RNF14: variants seen among roughly 807,000 people sequenced by gnomAD.
RNF14 encodes ring finger protein 14.
A neutral mutation model predicts 52.6 loss-of-function variants in RNF14; 26 were observed. The ratio of observed to expected loss-of-function variants is 0.49; its 90% CI spans 0.36 to 0.69. The LOEUF is 0.69. RNF14 is among the 30% of genes least tolerant of loss of function. RNF14 has a pLI of 0.00. For missense variants in RNF14, 404 were observed against 560.4 expected (o/e 0.72, Z 2.82); for synonymous variants, 194 against 202.0 (o/e 0.96, Z 0.34).
intron 8 of RNF14, 118 bp from the exon 9 acceptor site, chr5:141,987,615 A>T: frequency 2.1e-6 from 2 of 963,930 alleles, no homozygotes; most frequent in Non-Finnish European, 3.3e-6. Flanking sequence ...CAATGATTAA[A>T]GGAGAAGAAA....
upstream of RNF14, chr5:141,957,858 C>G: frequency 6.3e-7 from 1 of 1,593,936 alleles, no homozygotes; most frequent in Admixed American, 1.7e-5. This position sits in a 1 kb window ranked among gnomAD's most constrained non-coding sequence, Gnocchi z 4.3. Context: ...TCATGCTTAC[C>G]GCCAAGTGGG....
chr5:141,985,343 A>C (rs1213089517), intron 8 of RNF14, among the ~76,000 whole-genome samples: 1 of 152,194 alleles, frequency 6.6e-6, no homozygotes, highest in Non-Finnish European at 1.5e-5. Flanking sequence ...ACATAATGAC[A>C]GTACTTTTAA....
intron 1 of RNF14, among the ~76,000 whole-genome samples, chr5:141,959,660 C>A (rs546386340): frequency 2.8e-4 from 42 of 152,292 alleles, no homozygotes; most frequent in African/African-American, 8.7e-4. Context: ...GGGACAGTCA[C>A]CTGCACTCCT....
chr5:141,973,604 C>G lies in RNF14; in HGVS notation c.16C>G (p.Arg6Gly), dbSNP rs376173586. The change falls in exon 3 of 9, where the codon CGA (arginine) becomes GGA (glycine). Residue 6 changes from arginine (R) to glycine (G), a missense_variant. Arg to Gly is a moderately radical substitution (Grantham distance 125). Transcript: ENST00000394520. ...TCAGGTCCTTATGTCGTCAGAAGAT[C>G]GAGAAGCTCAGGAGGATGAATTGCT... MSSEDREAQEDELLAL... is the reference protein window; with the variant it reads MSSEDGEAQEDELLAL... 6 of 1,608,784 alleles carry G rather than the reference C, an allele frequency of 3.7e-6. No individual in the cohort carries two copies. Among genetic ancestry groups the G allele is most frequent in the Non-Finnish European group, 4.2e-6 (5 of 1,178,596 alleles).
At chr5:141,962,023 TC>T (rs1753278816), upstream of RNF14, among the ~76,000 whole-genome samples, 1 of 152,138 alleles carries the variant, frequency 6.6e-6, no homozygotes, top group Non-Finnish European at 1.5e-5. Flanking sequence ...CTCCGGCTTA[TC>T]CCAGGTAGGG....
chr5:141,980,026 G>A, intron 5 of RNF14, 97 bp from the exon 6 acceptor site: 1 of 888,404 alleles, frequency 1.1e-6, no homozygotes, highest in Non-Finnish European at 1.9e-6. Context: ...TTTAATTTAT[G>A]TGCCCATCTG....
chr5:141,964,637 A>ATC (rs1283964829), upstream of RNF14, among the ~76,000 whole-genome samples: 1 of 152,062 alleles, frequency 6.6e-6, no homozygotes, highest in Non-Finnish European at 1.5e-5. Context: ...TTTTTGAGAC[A>ATC]GAGTCTCATT....
chr5:141,964,894 T>G (rs1215259407), upstream of RNF14, among the ~76,000 whole-genome samples: 1 of 151,726 alleles, frequency 6.6e-6, no homozygotes, highest in Non-Finnish European at 1.5e-5. Flanking sequence ...CCCAAAGGGC[T>G]GGGATAACAG....
chr5:141,981,084 T>C (rs1043270561), intron 6 of RNF14, among the ~76,000 whole-genome samples: 1 of 152,174 alleles, frequency 6.6e-6, no homozygotes, highest in African/African-American at 2.4e-5. Context: ...TTCTTCAGAC[T>C]AACAGGGATA....
At chr5:141,973,299 C>T (rs1429969826) in intron 2 of RNF14, among the ~76,000 whole-genome samples, 9 of 144,286 alleles carry the variant, frequency 6.2e-5, no homozygotes, top group Non-Finnish European at 1.3e-4. Context: ...AGTGCAGTGG[C>T]GTGATGTTGG....
At chr5:141,956,176 T>C (rs377507092), upstream of RNF14, 5 of 1,614,054 alleles carry the variant, frequency 3.1e-6, no homozygotes, top group Middle Eastern at 1.6e-4. Flanking sequence ...GGCATTATCA[T>C]TGGCATCCAA....
At chr5:141,965,139 A>G (rs556776466), upstream of RNF14, among the ~76,000 whole-genome samples, 1 of 152,272 alleles carries the variant, frequency 6.6e-6, no homozygotes, top group South Asian at 2.1e-4. Context: ...CTCTGTGTTC[A>G]AGGGCTTGTT....
At chr5:141,974,760 A>G (rs748139689) in intron 3 of RNF14, 44 bp from the exon 4 acceptor site, 7 of 1,599,616 alleles carry the variant, frequency 4.4e-6, no homozygotes, top group South Asian at 1.1e-5. Flanking sequence ...TGGACACTCA[A>G]GTGTTGACCA....
In RNF14 at chr5:141,971,916, G is replaced by A. The variant is rs1391024053; in HGVS notation, c.-7+1039G>A. Among the ~76,000 whole-genome samples the A allele has an allele frequency of 2.0e-5, 3 of 151,980 alleles. No individual in the cohort carries two copies. The East Asian group carries it at 5.8e-4, about 29-fold the overall frequency. On this transcript the variant is annotated intron_variant, in intron 2 of 8. Transcript: ENST00000394520. ...GCCTGCCTTGGTCTCCCAAAGTGCT[G>A]GGATTAAAGACTTGAGCCACTGTGC...
upstream of RNF14, among the ~76,000 whole-genome samples, chr5:141,968,254 C>A (rs980518903): frequency 1.3e-4 from 20 of 151,912 alleles, 1 homozygote; most frequent in African/African-American, 4.8e-4. Flanking sequence ...TACAGGTGCC[C>A]GCCACCATGC....
chr5:141,956,932 C>T (rs781200540), upstream of RNF14: 144 of 1,614,106 alleles, frequency 8.9e-5, 1 homozygote, highest in Middle Eastern at 1.3e-3. Flanking sequence ...TAGAGGTCGA[C>T]GCAGAATGAC....
At chr5:141,953,901 T>G (rs1157859589), upstream of RNF14, among the ~76,000 whole-genome samples, 2 of 152,206 alleles carry the variant, frequency 1.3e-5, no homozygotes, top group Non-Finnish European at 2.9e-5. Context: ...AACAGAAGTG[T>G]GCCTTGGGCG....
chr5:141,976,903 C>G lies in RNF14; in HGVS notation c.307-1400C>G, dbSNP rs149828826. ...TAGTGGGTTCAAGTGGTTGTCCTGC[C>G]TCAGCCTCCCAAGTAGCTGGGAATA... On this transcript the variant is annotated intron_variant, in intron 4 of 8. Transcript: ENST00000394520. 7.0e-3 allele frequency among the ~76,000 whole-genome samples: 1,059 copies of G among 151,930 alleles called. 12 individuals carry two copies. Among genetic ancestry groups the G allele is most frequent in the African/African-American group, 0.024 (979 of 41,412 alleles).
At chr5:141,969,072 A>T (rs1052283334), upstream of RNF14, 1 of 152,290 alleles carries the variant, frequency 6.6e-6, no homozygotes, top group African/African-American at 2.4e-5. Context: ...CGGTCGCGCC[A>T]GCGGGATCCG....
Sources: gnomAD v4.1 joint callset for allele counts (sites outside exome capture counted in the v4.1 genomes callset) on GRCh38, gnomAD v4.1.1 for gene constraint, Gnocchi (gnomAD v3.1) non-coding constraint, MANE v1.5 for transcripts, NCBI Gene and HGNC (gene_info 2026-07-23, HGNC 2026-07-21) for gene names.